Variants in LINC01488 observed in about 807,000 individuals in gnomAD.
LINC01488 encodes the protein long independently transcribed non-coding RNA 1488.
intron 1 of LINC01488, among the ~76,000 whole-genome samples, chr11:69,485,225 G>T (rs1211014708): frequency 2.0e-5 from 3 of 152,160 alleles, no homozygotes; most frequent in Admixed American, 2.0e-4. Context: ...AGAGGCAAAG[G>T]GTTTTCCCCC....
chr11:69,487,482 A>C (rs1226238381), intron 1 of LINC01488, among the ~76,000 whole-genome samples: 6 of 152,128 alleles, frequency 3.9e-5, no homozygotes. Context: ...GGGCCTGAGT[A>C]AGGACTGACG....
At chr11:69,491,397 C>G (rs1384711336) in exon 3 of LINC01488, 1 of 152,290 alleles carries the variant, frequency 6.6e-6, no homozygotes, top group Non-Finnish European at 1.5e-5. Context: ...CTTGCTTATC[C>G]CAGCATCCAC....
chr11:69,489,630 G>A lies in LINC01488; in HGVS notation n.123-865G>A, dbSNP rs1376709288. On this transcript the variant is annotated intron_variant and non_coding_transcript_variant, in intron 1 of 3. Transcript: ENST00000644563. ...GGCGGGCTGCGGACTCCCATGCACC[G>A]GTAGCGGGTGCTCCAAGGGCCGAGA... 4.6e-5 allele frequency among the ~76,000 whole-genome samples: 7 copies of A among 152,256 alleles called. No individual in the cohort carries two copies. The East Asian group carries it at 7.7e-4, about 17-fold the overall frequency.
intron 3 of LINC01488, chr11:69,491,568 T>G (rs1259756093): frequency 6.6e-6 from 1 of 152,534 alleles, no homozygotes; most frequent in East Asian, 1.9e-4. Context: ...TGTGGTCTCC[T>G]GCTCTGCCTG....
At chr11:69,491,114 A>G (rs908930933) in exon 3 of LINC01488, 2 of 152,222 alleles carry the variant, frequency 1.3e-5, no homozygotes, top group African/African-American at 4.8e-5. Flanking sequence ...GGTGGAAGAA[A>G]CAAACAAGGA....
At chr11:69,488,237 C>T (rs768669734) in intron 1 of LINC01488, 1 of 152,378 alleles carries the variant, frequency 6.6e-6, no homozygotes, top group Non-Finnish European at 1.5e-5. Context: ...GGGGGCTTCC[C>T]TGAGCACAGC....
chr11:69,489,094 T>C (rs1288663299), intron 1 of LINC01488, among the ~76,000 whole-genome samples: 1 of 152,154 alleles, frequency 6.6e-6, no homozygotes, highest in Non-Finnish European at 1.5e-5. Flanking sequence ...ATTCAGAACC[T>C]GCACACCACG....
intron 1 of LINC01488, among the ~76,000 whole-genome samples, chr11:69,490,296 T>C (rs1857199328): frequency 6.6e-6 from 1 of 152,230 alleles, no homozygotes; most frequent in Non-Finnish European, 1.5e-5. Flanking sequence ...CTGGCAGGAC[T>C]GCGGAGGCGT....
rs1857239543 is a variant in LINC01488 at position 69,492,523 on chromosome 11, T to C, written n.999T>C. 2.0e-5 allele frequency: 3 copies of C among 152,264 alleles called. No individual in the cohort carries two copies. The East Asian group carries it at 5.8e-4, about 29-fold the overall frequency. 9.4% of individuals were successfully genotyped at this position (152,264 alleles called of 1,614,324 possible). On this transcript the variant is annotated non_coding_transcript_exon_variant, in exon 4 of 4. Transcript: ENST00000644563. ...GATAGAAGCAGAGGTCGGAGGGACG[T>C]GCTGTTGGCTTGAGATGGAGGAGGA...
chr11:69,489,375 C>A (rs1857178997), intron 1 of LINC01488, among the ~76,000 whole-genome samples: 1 of 152,250 alleles, frequency 6.6e-6, no homozygotes, highest in South Asian at 2.1e-4. Context: ...TCTGAGGACC[C>A]CTGACACAGA....
intron 1 of LINC01488, among the ~76,000 whole-genome samples, chr11:69,490,108 T>C (rs661960): frequency 0.79 from 119,822 of 152,144 alleles, 47,433 homozygotes; most frequent in Non-Finnish European, 0.83. Flanking sequence ...CAAGGAGAAG[T>C]GCCCCAGCCC....
intron 1 of LINC01488, chr11:69,488,106 C>T (rs1439747209): frequency 6.6e-6 from 1 of 152,360 alleles, no homozygotes; most frequent in Non-Finnish European, 1.5e-5. Context: ...GGCCTCGAAC[C>T]TCCTCTCCCC....
intron 1 of LINC01488, among the ~76,000 whole-genome samples, chr11:69,486,539 T>C (rs933515248): frequency 2.0e-5 from 3 of 152,186 alleles, no homozygotes; most frequent in Non-Finnish European, 2.9e-5. Context: ...GAACTGAGCT[T>C]GCTCCAGAGA....
At chr11:69,485,858 A>T (rs902009019) in intron 1 of LINC01488, 2 of 152,262 alleles carry the variant, frequency 1.3e-5, no homozygotes, top group African/African-American at 4.8e-5. Context: ...TCCTGCCTGC[A>T]GGGGCGAGGT....
chr11:69,489,622 C>T (rs566332739), intron 1 of LINC01488, among the ~76,000 whole-genome samples: 8 of 152,386 alleles, frequency 5.2e-5, no homozygotes, highest in African/African-American at 1.9e-4. Context: ...TGCGGACTCC[C>T]ATGCACCGGT....
intron 1 of LINC01488, among the ~76,000 whole-genome samples, chr11:69,488,520 C>G (rs1269776649): frequency 6.6e-6 from 1 of 152,228 alleles, no homozygotes; most frequent in Non-Finnish European, 1.5e-5. Context: ...CCCACGGCAA[C>G]AGGAGGGTAC....
intron 1 of LINC01488, chr11:69,485,496 G>A (rs1857100884): frequency 6.6e-6 from 1 of 152,294 alleles, no homozygotes; most frequent in South Asian, 2.1e-4. Flanking sequence ...CACTGCGGAT[G>A]AGGTGGGACC....
At chr11:69,485,790 C>T (rs930676650) in intron 1 of LINC01488, 1 of 152,310 alleles carries the variant, frequency 6.6e-6, no homozygotes, top group African/African-American at 2.4e-5. Flanking sequence ...CTTCTGCTGC[C>T]ACTCTGCTTC....
intron 1 of LINC01488, chr11:69,488,163 T>A (rs1857154910): frequency 6.6e-6 from 1 of 152,490 alleles, no homozygotes; most frequent in South Asian, 2.1e-4. Context: ...CCTTCCATCC[T>A]GCCTCTGTCA....
Sources: gnomAD v4.1 joint callset for allele counts (sites outside exome capture counted in the v4.1 genomes callset) on GRCh38, gnomAD v4.1.1 for gene constraint, MANE v1.5 for transcripts, NCBI Gene and HGNC (gene_info 2026-07-23, HGNC 2026-07-21) for gene names.